The following SELENOK variants were observed in gnomAD, a reference collection of about 807,000 sequenced individuals.
The protein encoded by SELENOK is selenoprotein K.
In SELENOK, 11 loss-of-function variants were observed where a neutral mutation model predicts 17.3. The observed-to-expected ratio is 0.63, with a 90% CI of 0.40 to 1.05. The LOEUF is 1.05. Among genes scored for constraint, SELENOK ranks in the 50% least tolerant of loss-of-function variants. The pLI, the probability that SELENOK is intolerant of heterozygous loss-of-function variation, is 0.00. For synonymous variants in SELENOK, 45 were observed against 35.4 expected, an observed-to-expected ratio of 1.27 and a Z score of -0.97; for missense variants, 125 against 113.9, an observed-to-expected ratio of 1.10 and a Z score of -0.44.
chr3:53,886,792 T>C, intron 3 of SELENOK, 59 bp downstream of exon 3: 1 of 1,039,806 alleles, frequency 9.6e-7, no homozygotes, highest in Non-Finnish European at 1.4e-6. Context: ...CTACCTAAAA[T>C]ATCTAATAAA....
intron 2 of SELENOK, 144 bp downstream of exon 2, chr3:53,888,249 T>C (rs777650652): frequency 6.8e-5 from 41 of 603,080 alleles, no homozygotes; most frequent in Non-Finnish European, 1.1e-4. Flanking sequence ...CTAACATCTA[T>C]TTCCCTGTGT....
intron 2 of SELENOK, among the ~76,000 whole-genome samples, chr3:53,887,742 A>G (rs563830442): frequency 2.0e-5 from 3 of 152,302 alleles, no homozygotes; most frequent in East Asian, 3.9e-4. Context: ...AGTAAACTCA[A>G]TGAAAAAAGG....
At position 53,885,071 on chromosome 3, in the gene SELENOK, T is replaced by C. The variant is rs1700114369; in HGVS notation, c.*487A>G. The C allele has an allele frequency of 6.6e-6, 1 of 152,486 alleles. No homozygotes were observed. The highest frequency in any genetic ancestry group is 1.5e-5 in the Non-Finnish European group (1 of 68,172). The allele number at this position is 152,486 out of a possible 1,614,324, so 9.4% of individuals were successfully genotyped here. On this transcript the variant is annotated 3_prime_UTR_variant, in exon 5 of 5. Transcript: ENST00000495461. The stretch of plus-strand genomic sequence containing the variant: ...TTAAAGATTGATGAGACAAATATGT[T>C]AAAGATAAAAATTAATTCAAGAGCA...
chr3:53,885,677 A>G, intron 4 of SELENOK, 116 bp from the exon 5 acceptor site: 2 of 1,285,000 alleles, frequency 1.6e-6, no homozygotes, highest in Non-Finnish European at 2.2e-6. Context: ...TAACAAGGCC[A>G]GTGAATTTTT....
rs375950292 is a variant in SELENOK, at chr3:53,888,477, A to G, written c.26T>C (p.Val9Ala). Residue 9 changes from valine to alanine, a missense_variant, in exon 2 of 5, where the codon GTG becomes GCG. Physicochemically the swap from Val to Ala is moderately conservative, Grantham distance 64. Coordinates refer to ENST00000495461, the MANE Select transcript of SELENOK (RefSeq NM_021237.5). MVYISNGQ[V>A]LDSRSQSPWR... is the part of the protein sequence containing the mutation. Reference sequence around the variant, plus strand: ...TGGAGACTGACTCCGGCTGTCCAACACTTGTCCTACAGATAAGAATTAAAG... The same window carrying G: ...TGGAGACTGACTCCGGCTGTCCAACGCTTGTCCTACAGATAAGAATTAAAG... The G allele has an allele frequency of 8.1e-6, 13 of 1,607,178 alleles. No homozygotes were observed. The Admixed American group carries it at 1.0e-4, about 12-fold the overall frequency.
chr3:53,885,814 A>C lies in SELENOK; in HGVS notation c.281+12T>G. On this transcript the variant is annotated intron_variant, in intron 4 of 4. Coordinates refer to ENST00000495461, the MANE Select transcript of SELENOK (RefSeq NM_021237.5). ...ACAAAATCCTACAAAAGAATTTCAG[A>C]TCTGAAGTTACCTTCCTCATCCACC... The C allele has an allele frequency of 6.4e-7, 1 of 1,567,858 alleles. No individual in the cohort carries two copies. Among genetic ancestry groups the C allele is most frequent in the Admixed American group, 1.8e-5 (1 of 54,854 alleles).
chr3:53,889,119 C>T (rs549828059), intron 1 of SELENOK, among the ~76,000 whole-genome samples: 1 of 152,146 alleles, frequency 6.6e-6, no homozygotes, highest in South Asian at 2.1e-4. Context: ...AAAAATGTAA[C>T]AATGGTTACC....
chr3:53,887,791 T>C (rs566250501), intron 2 of SELENOK, among the ~76,000 whole-genome samples: 4 of 152,344 alleles, frequency 2.6e-5, no homozygotes, highest in African/African-American at 7.2e-5. Flanking sequence ...TCCCTGATCA[T>C]GAGACACTCA....
chr3:53,888,362 T>A (rs781218366), intron 2 of SELENOK, 31 bp downstream of exon 2: 9 of 1,383,128 alleles, frequency 6.5e-6, no homozygotes, highest in Non-Finnish European at 8.2e-6. Flanking sequence ...AACTTAAATA[T>A]CAGGGCAATT....
chr3:53,886,449 T>C (rs1042090999), intron 3 of SELENOK, among the ~76,000 whole-genome samples: 1 of 152,194 alleles, frequency 6.6e-6, no homozygotes, highest in Non-Finnish European at 1.5e-5. Context: ...TTGGTCAGGA[T>C]GGTCTCGATC....
At chr3:53,887,179 CAG>C (rs913424765) in intron 2 of SELENOK, among the ~76,000 whole-genome samples, 4 of 152,160 alleles carry the variant, frequency 2.6e-5, no homozygotes, top group African/African-American at 9.7e-5. Context: ...CTCCCCTAGA[CAG>C]AGCATGAAAC....
Position 53,888,061 on chromosome 3 carries a change from G to GA in SELENOK, c.110+331dup, listed in dbSNP as rs548546578. Reference sequence around the variant, plus strand: ...ATGGAATGAAAGTTGCATGCACAAAGAAAAAAACAAAACAAGAATAGTAGA... The same window carrying GA: ...ATGGAATGAAAGTTGCATGCACAAAGAAAAAAAACAAAACAAGAATAGTAGA... On this transcript the variant is annotated intron_variant, in intron 2 of 4. Coordinates refer to ENST00000495461, the MANE Select transcript of SELENOK (RefSeq NM_021237.5). The GA allele has an allele frequency of 4.1e-4, 70 of 168,920 alleles. 1 individual carries two copies. The South Asian group carries it at 0.012, about 28-fold the overall frequency. The allele number at this position is 168,920 out of a possible 1,614,324, so 10.5% of individuals were successfully genotyped here. A position where few individuals can be genotyped will look rare whatever the true frequency, so the allele number is the denominator to read the frequency against.
At chr3:53,891,663 C>T (rs533154113) in intron 1 of SELENOK, 107 bp downstream of exon 1, 1 of 1,460,302 alleles carries the variant, frequency 6.8e-7, no homozygotes, top group South Asian at 1.2e-5. Context: ...GGGCGCTAAG[C>T]CCGGGGAAGC....
At chr3:53,888,967 G>T (rs1700145806) in intron 1 of SELENOK, among the ~76,000 whole-genome samples, 2 of 151,938 alleles carry the variant, frequency 1.3e-5, no homozygotes, top group Admixed American at 1.3e-4. Flanking sequence ...TGAGGCAGGA[G>T]AATTGCTTGA....
At position 53,884,911 on chromosome 3, in the gene SELENOK, G is replaced by A. The variant is rs1202596949; in HGVS notation, c.*647C>T. 6.6e-6 allele frequency: 1 copy of A among 152,244 alleles called. No homozygotes were observed. Among genetic ancestry groups the A allele is most frequent in the Non-Finnish European group, 1.5e-5 (1 of 68,056 alleles). 9.4% of individuals were successfully genotyped at this position (152,244 alleles called of 1,614,324 possible). On this transcript the variant is annotated 3_prime_UTR_variant, in exon 5 of 5. Coordinates refer to ENST00000495461, the MANE Select transcript of SELENOK (RefSeq NM_021237.5). ...CCCACAGTGCTGGGATTACAGGCATGAGCCACCGCGCCAGGCTGAAGTCCA... is the reference window on the plus strand; with the variant it reads ...CCCACAGTGCTGGGATTACAGGCATAAGCCACCGCGCCAGGCTGAAGTCCA...
intron 1 of SELENOK, chr3:53,891,158 A>T (rs1700165839): frequency 6.6e-6 from 1 of 152,270 alleles, no homozygotes; most frequent in African/African-American, 2.4e-5. Context: ...AGCCTATGCA[A>T]AGCTTTCATC....
chr3:53,888,259 TA>T, intron 2 of SELENOK, 133 bp downstream of exon 2: 1 of 632,712 alleles, frequency 1.6e-6, no homozygotes, highest in Non-Finnish European at 2.8e-6. Flanking sequence ...TTTCCCTGTG[TA>T]AAGCTATTTT....
At chr3:53,888,370 A>G (rs1264651203) in intron 2 of SELENOK, 23 bp downstream of exon 2, 8 of 1,481,644 alleles carry the variant, frequency 5.4e-6, no homozygotes, top group African/African-American at 1.4e-5. Flanking sequence ...TATCAGGGCA[A>G]TTAAGAGCTC....
intron 1 of SELENOK, 103 bp from the exon 2 acceptor site, chr3:53,888,586 G>A: frequency 1.2e-6 from 1 of 815,336 alleles, no homozygotes; most frequent in Non-Finnish European, 2.1e-6. Context: ...GTTTTAACTT[G>A]CCCATTATTC....
Sources: allele counts gnomAD v4.1 joint callset (sites outside exome capture counted in the v4.1 genomes callset), GRCh38; gene constraint gnomAD v4.1.1; transcripts MANE v1.5; gene names NCBI Gene and HGNC (gene_info 2026-07-23, HGNC 2026-07-21).